CYP4F22: variants seen among roughly 807,000 people sequenced by gnomAD.
The protein encoded by CYP4F22 is cytochrome P450 family 4 subfamily F member 22.
Under a neutral mutation model 60.4 loss-of-function variants are expected in CYP4F22, and 37 were observed. The observed-to-expected ratio is 0.61, with a 90% CI of 0.47 to 0.81. The LOEUF (loss-of-function observed/expected upper bound fraction) is 0.81, where lower values mean the gene tolerates loss of function less well. Among genes scored for constraint, CYP4F22 ranks in the 30% least tolerant of loss-of-function variants. The pLI, the probability that CYP4F22 is intolerant of heterozygous loss-of-function variation, is 0.00. For synonymous variants in CYP4F22, 258 were observed against 280.5 expected, an observed-to-expected ratio of 0.92 and a Z score of 0.80; for missense variants, 655 against 715.0, an observed-to-expected ratio of 0.92 and a Z score of 0.96.
At chr19:15,530,359 G>A (rs1971329672) in intron 4 of CYP4F22, among the ~76,000 whole-genome samples, 1 of 152,144 alleles carries the variant, frequency 6.6e-6, no homozygotes, top group Admixed American at 6.5e-5. Context: ...CTCTTGCTCA[G>A]CCTTCAACAC....
intron 2 of CYP4F22, 55 bp from the exon 3 acceptor site, chr19:15,525,281 C>T (rs1971268249): frequency 1.3e-6 from 2 of 1,557,082 alleles, no homozygotes; most frequent in South Asian, 1.1e-5. Flanking sequence ...ATGCATTACC[C>T]CATGGGTCAT....
intron 4 of CYP4F22, among the ~76,000 whole-genome samples, chr19:15,531,384 T>TA (rs34677242): frequency 0.15 from 21,335 of 142,598 alleles, 1,621 homozygotes; most frequent in Middle Eastern, 0.24. Context: ...CTTAGTCTCT[T>TA]AAAAAAAAAA....
chr19:15,541,315 A>C (rs1376856553), intron 8 of CYP4F22, among the ~76,000 whole-genome samples: 1 of 152,148 alleles, frequency 6.6e-6, no homozygotes, highest in African/African-American at 2.4e-5. Context: ...TGAAGGATGA[A>C]TCTGTTCCAG....
chr19:15,537,940 G>T lies in CYP4F22; in HGVS notation c.618G>T (p.Met206Ile), dbSNP rs1291750714. The change falls in exon 7 of 14, where the codon ATG becomes ATT. Residue 206 changes from methionine (M) to isoleucine (I), a missense_variant. Met to Ile is a conservative substitution (Grantham distance 10). Around this residue, in one of 3 missense-constraint regions of CYP4F22, gnomAD observed 430 missense variants for 457.1 expected, o/e 0.94. Coordinates refer to ENST00000269703, the MANE Select transcript of CYP4F22 (RefSeq NM_173483.4). ...SLDMFEHISL[M>I]TLDSLQKCVF... ...ATATGTTTGAGCATATCAGCCTCAT[G>T]ACCCTGGACAGTCTTCAGAAATGTG... The T allele has an allele frequency of 1.2e-6, 2 of 1,614,192 alleles. No homozygotes were observed. The highest frequency in any genetic ancestry group is 2.2e-5 in the South Asian group (2 of 91,078).
chr19:15,532,497 C>A (rs113746783), intron 4 of CYP4F22, among the ~76,000 whole-genome samples: 2 of 151,834 alleles, frequency 1.3e-5, no homozygotes, highest in East Asian at 3.9e-4. Context: ...GTCTCAGCCT[C>A]CCGAGTAGCT....
At chr19:15,508,735 G>C (rs1037231993) in intron 1 of CYP4F22, among the ~76,000 whole-genome samples, 152 bp downstream of exon 1, 2 of 152,028 alleles carry the variant, frequency 1.3e-5, no homozygotes, top group African/African-American at 2.4e-5. Flanking sequence ...GACCCCCCCA[G>C]GACCCAGGAC....
At chr19:15,518,828 G>T (rs1216851266) in intron 1 of CYP4F22, among the ~76,000 whole-genome samples, 1 of 152,038 alleles carries the variant, frequency 6.6e-6, no homozygotes, top group Non-Finnish European at 1.5e-5. Context: ...GGCTGTGTGT[G>T]CAGAATGGAC....
chr19:15,535,250 G>T (rs1197770488), intron 4 of CYP4F22, among the ~76,000 whole-genome samples: 1 of 152,184 alleles, frequency 6.6e-6, no homozygotes, highest in African/African-American at 2.4e-5. Context: ...GTGTGTCTCT[G>T]CTTCCCTTTC....
intron 1 of CYP4F22, among the ~76,000 whole-genome samples, chr19:15,509,898 TTCC>T (rs1971065030): frequency 8.1e-6 from 1 of 123,000 alleles, no homozygotes; most frequent in Admixed American, 9.0e-5. Flanking sequence ...CCTTCCTTCC[TTCC>T]TTCCTTTCTT....
intron 1 of CYP4F22, among the ~76,000 whole-genome samples, chr19:15,511,958 C>A (rs760914998): frequency 1.3e-5 from 2 of 152,190 alleles, no homozygotes; most frequent in African/African-American, 4.8e-5. Flanking sequence ...GGCAGGGCCA[C>A]CTCTACCAAG....
At chr19:15,533,964 C>G (rs1164108014) in intron 4 of CYP4F22, among the ~76,000 whole-genome samples, 1 of 151,930 alleles carries the variant, frequency 6.6e-6, no homozygotes, top group Non-Finnish European at 1.5e-5. Flanking sequence ...TGGGTAGATA[C>G]CTAGGAGTAG....
intron 1 of CYP4F22, among the ~76,000 whole-genome samples, chr19:15,518,883 G>C (rs1426369114): frequency 6.6e-6 from 1 of 151,962 alleles, no homozygotes; most frequent in Non-Finnish European, 1.5e-5. Context: ...CAGTGGGAAC[G>C]GGCCACTGCA....
At chr19:15,548,391 G>A (rs898588152) in intron 11 of CYP4F22, 150 bp downstream of exon 11, 49 of 1,262,546 alleles carry the variant, frequency 3.9e-5, no homozygotes, top group Non-Finnish European at 4.5e-6. Context: ...TGGGGTGTTG[G>A]AGAAAACCCA....
In CYP4F22 at chr19:15,534,018, G is replaced by A. The variant is rs142118842; in HGVS notation, c.368-3343G>A. On this transcript the variant is annotated intron_variant, in intron 4 of 13. Coordinates refer to ENST00000269703, the MANE Select transcript of CYP4F22 (RefSeq NM_173483.4). ...AATTCTGTACTTAACTTTTTAAGGA[G>A]CCACCTTGCTGTTTTCCACAGAGGG... Among the ~76,000 whole-genome samples, 1,405 of 152,256 alleles carry A rather than the reference G, an allele frequency of 9.2e-3. 25 individuals are homozygous for A. The highest frequency in any genetic ancestry group is 0.031 in the African/African-American group (1,285 of 41,542).
At chr19:15,541,028 C>T (rs1971456640) in intron 8 of CYP4F22, among the ~76,000 whole-genome samples, 2 of 152,236 alleles carry the variant, frequency 1.3e-5, no homozygotes, top group South Asian at 4.1e-4. Flanking sequence ...CTGCAGTGAG[C>T]TATGATGGTG....
At chr19:15,535,620 T>A (rs563462398) in intron 4 of CYP4F22, among the ~76,000 whole-genome samples, 4 of 151,810 alleles carry the variant, frequency 2.6e-5, no homozygotes, top group Non-Finnish European at 5.9e-5. Context: ...CATTCATCCA[T>A]CCATCCACTC....
At chr19:15,528,448 G>T (rs1372940500) in intron 3 of CYP4F22, among the ~76,000 whole-genome samples, 3 of 152,064 alleles carry the variant, frequency 2.0e-5, no homozygotes, top group Non-Finnish European at 2.9e-5. Flanking sequence ...CAGCTCCCTT[G>T]CCCTCAGGTG....
chr19:15,537,270 C>A (rs941732312), intron 4 of CYP4F22, 91 bp from the exon 5 acceptor site: 146 of 1,555,116 alleles, frequency 9.4e-5, no homozygotes, highest in Non-Finnish European at 1.2e-4. Flanking sequence ...CACTGCACTC[C>A]AGCCTGGATG....
intron 4 of CYP4F22, 73 bp from the exon 5 acceptor site, chr19:15,537,288 A>T (rs947816716): frequency 6.3e-7 from 1 of 1,582,866 alleles, no homozygotes; most frequent in Non-Finnish European, 8.7e-7. Context: ...ATGACAGAGC[A>T]AGACTCCGTA....
Sources: gnomAD v4.1 joint callset for allele counts (sites outside exome capture counted in the v4.1 genomes callset) on GRCh38, gnomAD v4.1.1 for gene constraint, gnomAD v4.1.1 regional missense constraint, MANE v1.5 for transcripts, NCBI Gene and HGNC (gene_info 2026-07-23, HGNC 2026-07-21) for gene names.